The following ATP8B3 variants were observed in gnomAD, a reference collection of about 807,000 sequenced individuals.
ATP8B3 encodes ATPase phospholipid transporting 8B3, also known as phospholipid-transporting ATPase IK.
A neutral mutation model predicts 140.9 loss-of-function variants in ATP8B3; 141 were observed. The ratio of observed to expected loss-of-function variants is 1.00; its 90% CI spans 0.87 to 1.15. ATP8B3 has a LOEUF of 1.15. ATP8B3 is among the 50% of genes most tolerant of loss of function. The pLI, the probability that ATP8B3 is intolerant of heterozygous loss-of-function variation, is 0.00. For missense variants in ATP8B3, 1,874 were observed against 1,740.6 expected, an observed-to-expected ratio of 1.08 and a Z score of -1.36; for synonymous variants, 765 against 714.6, an observed-to-expected ratio of 1.07 and a Z score of -1.13.
intron 2 of ATP8B3, 87 bp downstream of exon 2, chr19:1,811,402 G>A: frequency 1.3e-6 from 2 of 1,493,128 alleles, no homozygotes; most frequent in South Asian, 1.3e-5. Context: ...GCCAGCAACT[G>A]GCCCCCCACC....
chr19:1,802,069 A>ATCCCCCCCCC, intron 11 of ATP8B3, 25 bp from the exon 12 acceptor site: 1 of 1,112,376 alleles, frequency 9.0e-7, no homozygotes, highest in Non-Finnish European at 1.2e-6. Context: ...CCATCTATCC[A>ATCCCCCCCCC]CCCACCCACC....
rs1475315284 is a variant in ATP8B3, at chr19:1,794,084, G to A, written c.2055+1791C>T. Among the ~76,000 whole-genome samples the A allele has an allele frequency of 6.6e-6, 1 of 152,114 alleles. No individual in the cohort carries two copies. The highest frequency in any genetic ancestry group is 2.4e-5 in the African/African-American group (1 of 41,412). ...GCCCTGTCGCCCAGGCTGGAGTGCA[G>A]TGGTGCGATCACAGCTTGCTGTAGC... On this transcript the variant is annotated intron_variant, in intron 18 of 28. Transcript: ENST00000310127. The surrounding 1 kb of genome is among the most constrained non-coding windows in gnomAD (Gnocchi z 4.8).
At chr19:1,809,835 AC>A in intron 3 of ATP8B3, 101 bp from the exon 4 acceptor site, 1 of 1,101,100 alleles carries the variant, frequency 9.1e-7, no homozygotes, top group African/African-American at 1.6e-5. Flanking sequence ...GGACCCAGGC[AC>A]TGGGGAGGCC....
At chr19:1,784,372 G>C in intron 28 of ATP8B3, among the ~76,000 whole-genome samples, 1 of 152,058 alleles carries the variant, frequency 6.6e-6, no homozygotes, top group Non-Finnish European at 1.5e-5. Flanking sequence ...AAAATTAGCT[G>C]GGCGTGGTGG....
chr19:1,787,166 G>C lies in ATP8B3; in HGVS notation c.3090C>G (p.Phe1030Leu), dbSNP rs1350608939. Reference protein sequence around the residue: ...FTGQPLYEGWFLALFNLLYST... With the variant: ...FTGQPLYEGWLLALFNLLYST... The stretch of plus-strand genomic sequence containing the variant: ...TGTACAGGAGGTTGAAAAGAGCCAG[G>C]AACCATCCTTCATACAGGGGCTGAG... Residue 1030 changes from phenylalanine (F) to leucine (L), a missense_variant, in exon 25 of 29, where the codon TTC (phenylalanine) becomes TTG (leucine). By Grantham distance (22) the Phe-to-Leu change is conservative. Coordinates refer to ENST00000310127, the MANE Select transcript of ATP8B3 (RefSeq NM_138813.4). 6.2e-7 allele frequency: 1 copy of C among 1,610,834 alleles called. No individual in the cohort carries two copies. Among genetic ancestry groups the C allele is most frequent in the Admixed American group, 1.7e-5 (1 of 59,662 alleles).
Position 1,800,400 on chromosome 19 carries a change from C to A in ATP8B3, c.1202G>T (p.Gly401Val). ...GTCTTTGAATTCTTTGACTGAGAAACCGAAGCCGAAGGCCAACACCAGGCA... is the reference window on the plus strand; with the variant it reads ...GTCTTTGAATTCTTTGACTGAGAAAACGAAGCCGAAGGCCAACACCAGGCA... ...LVCLVLAFGF[G>V]FSVKEFKDHH... Residue 401 changes from glycine (G) to valine (V), a missense_variant, in exon 13 of 29, where the codon GGT (glycine) becomes GTT (valine). Physicochemically the swap from Gly to Val is moderately radical, Grantham distance 109 (BLOSUM62 -3). Around this residue, in one of 3 missense-constraint regions of ATP8B3, gnomAD observed 1,032 missense variants for 963.6 expected, o/e 1.07. Coordinates refer to ENST00000310127, the MANE Select transcript of ATP8B3 (RefSeq NM_138813.4). This position sits in a 1 kb window ranked among gnomAD's most constrained non-coding sequence, Gnocchi z 4.4. The A allele has an allele frequency of 6.2e-7, 1 of 1,612,662 alleles. No individual in the cohort carries two copies. Among genetic ancestry groups the A allele is most frequent in the South Asian group, 1.1e-5 (1 of 91,062 alleles).
rs750730819 is a variant in ATP8B3, at chr19:1,795,942, T to A, written c.1988A>T (p.Asp663Val). 1 of 1,613,254 alleles carries A rather than the reference T, an allele frequency of 6.2e-7. No individual in the cohort carries two copies. The change falls in exon 18 of 29, where the codon GAC (aspartate) becomes GTC (valine). Residue 663 changes from aspartate to valine, a missense_variant. Asp to Val is a radical substitution (Grantham distance 152). Around this residue, in one of 3 missense-constraint regions of ATP8B3, gnomAD observed 1,032 missense variants for 963.6 expected, o/e 1.07. Transcript: ENST00000310127. ...GTGCAAGCGTTCGAAGATGACCGTG[T>A]CGGCGCCCTTGGTGTACAGGCAGAT... ...GAICLYTKGA[D>V]TVIFERLHRR...
At chr19:1,793,239 T>C (rs948809331) in intron 18 of ATP8B3, among the ~76,000 whole-genome samples, 5 of 150,594 alleles carry the variant, frequency 3.3e-5, no homozygotes, top group African/African-American at 1.2e-4. Context: ...CATAGGCACA[T>C]GCCATCACAC....
At chr19:1,804,443 A>G (rs2068948093) in intron 10 of ATP8B3, among the ~76,000 whole-genome samples, 1 of 152,198 alleles carries the variant, frequency 6.6e-6, no homozygotes, top group African/African-American at 2.4e-5. Flanking sequence ...CCCTGTATCT[A>G]CTAAAAATAC....
chr19:1,801,157 T>G (rs1043404276), intron 12 of ATP8B3, among the ~76,000 whole-genome samples: 4 of 151,244 alleles, frequency 2.6e-5, no homozygotes, highest in African/African-American at 9.7e-5. Flanking sequence ...TTATTTTTAT[T>G]TATTTATTTA....
chr19:1,787,014 A>G, intron 25 of ATP8B3, 89 bp downstream of exon 25: 1 of 1,302,798 alleles, frequency 7.7e-7, no homozygotes. Context: ...AAGGTCTCCC[A>G]GGCTCCCTCT....
At position 1,809,814 on chromosome 19, in the gene ATP8B3, T is replaced by G. The variant is rs938589200; in HGVS notation, c.311-80A>C. On this transcript the variant is annotated intron_variant, in intron 3 of 28. Coordinates refer to ENST00000310127, the MANE Select transcript of ATP8B3 (RefSeq NM_138813.4). ...TAATGACCGCCCGGAGGAGGGCTCATGGGGCCCGTGGGACCCAGGCACTGG... is the reference window on the plus strand; with the variant it reads ...TAATGACCGCCCGGAGGAGGGCTCAGGGGGCCCGTGGGACCCAGGCACTGG... The G allele has an allele frequency of 3.8e-6, 5 of 1,306,630 alleles. No homozygotes were observed. The Admixed American group carries it at 7.9e-5, about 21-fold the overall frequency. 80.9% of individuals were successfully genotyped at this position (1,306,630 alleles called of 1,614,324 possible).
At chr19:1,792,334 C>T (rs1482342880) in intron 18 of ATP8B3, among the ~76,000 whole-genome samples, 199 bp from the exon 19 acceptor site, 3 of 152,322 alleles carry the variant, frequency 2.0e-5, no homozygotes, top group Admixed American at 2.0e-4. Flanking sequence ...AATCCCAGCA[C>T]TTTGGGAGGC....
intron 4 of ATP8B3, 129 bp downstream of exon 4, chr19:1,809,513 GA>G: frequency 1.3e-6 from 1 of 792,622 alleles, no homozygotes; most frequent in South Asian, 1.7e-5. Context: ...AAAAGAAAAC[GA>G]AAACCAAAAA....
Position 1,786,322 on chromosome 19 carries a change from T to TG in ATP8B3, c.3154-615dup, listed in dbSNP as rs568882419. Among the ~76,000 whole-genome samples the TG allele has an allele frequency of 6.3e-4, 96 of 152,114 alleles. 1 individual carries two copies. Among genetic ancestry groups the TG allele is most frequent in the African/African-American group, 2.2e-3 (92 of 41,500 alleles). ...GGCTCACGCCTGTAATCCCAGCACT[T>TG]GGGGAGGCCGAGGTGGGAGGATCAC... On this transcript the variant is annotated intron_variant, in intron 25 of 28. Coordinates refer to ENST00000310127, the MANE Select transcript of ATP8B3 (RefSeq NM_138813.4).
intron 24 of ATP8B3, 132 bp from the exon 25 acceptor site, chr19:1,787,318 C>G: frequency 3.1e-6 from 2 of 645,052 alleles, no homozygotes; most frequent in Non-Finnish European, 5.4e-6. Context: ...GGGGCTGGGA[C>G]TGGGGTGGGG....
At chr19:1,802,747 C>A (rs1225300453) in intron 10 of ATP8B3, 102 bp from the exon 11 acceptor site, 1 of 1,366,404 alleles carries the variant, frequency 7.3e-7, no homozygotes, top group Non-Finnish European at 9.9e-7. Context: ...CCCTCACGAG[C>A]CCCTCTGTGC....
Position 1,800,192 on chromosome 19 carries a change from G to T in ATP8B3, c.1344-37C>A. The T allele has an allele frequency of 6.3e-7, 1 of 1,584,098 alleles. No homozygotes were observed. ...CTCAGGGTCACGGTCAGCCCCGCCT[G>T]CTGTGTGCCATCCCCATGCCTCCCC... On this transcript the variant is annotated intron_variant, in intron 13 of 28. Coordinates refer to ENST00000310127, the MANE Select transcript of ATP8B3 (RefSeq NM_138813.4). This position sits in a 1 kb window ranked among gnomAD's most constrained non-coding sequence, Gnocchi z 4.4.
Position 1,785,664 on chromosome 19 carries a change from C to T in ATP8B3, c.3198G>A (p.Val1066=). 1.9e-6 allele frequency: 3 copies of T among 1,612,910 alleles called. No homozygotes were observed. Among genetic ancestry groups the T allele is most frequent in the Non-Finnish European group, 2.5e-6 (3 of 1,179,760 alleles). Residue 1066 remains valine, a synonymous_variant, in exon 26 of 29, where the codon GTG becomes GTA. Coordinates refer to ENST00000310127, the MANE Select transcript of ATP8B3 (RefSeq NM_138813.4). ...TGAAGAGCTCGTCCTTCTGCCCCACCACGTACAGCTCCGGCTTCTCCAGGC... is the reference window on the plus strand; with the variant it reads ...TGAAGAGCTCGTCCTTCTGCCCCACTACGTACAGCTCCGGCTTCTCCAGGC... The part of the protein sequence containing the change: ...EQSLEKPELY[V]VGQKDELFNY...
Sources: allele counts gnomAD v4.1 joint callset (sites outside exome capture counted in the v4.1 genomes callset), GRCh38; gene constraint gnomAD v4.1.1; regional missense constraint gnomAD v4.1.1; non-coding constraint Gnocchi (gnomAD v3.1); transcripts MANE v1.5; gene names NCBI Gene and HGNC (gene_info 2026-07-23, HGNC 2026-07-21).